JHY: variants seen among roughly 807,000 people sequenced by gnomAD.
JHY encodes junctional cadherin complex regulator, also known as jhy protein homolog.
A neutral mutation model predicts 78.0 loss-of-function variants in JHY; 69 were observed. That is an observed-to-expected ratio of 0.88 (90% CI 0.73 to 1.08). The LOEUF (loss-of-function observed/expected upper bound fraction) is 1.08. Among genes scored for constraint, JHY ranks in the 50% least tolerant of loss-of-function variants. The probability of loss-of-function intolerance (pLI) is 0.00; values close to 1 mark genes in which losing one functional copy is unlikely to be tolerated. For missense variants in JHY, 944 were observed against 927.8 expected (o/e 1.02, Z -0.23); for synonymous variants, 368 against 342.6 (o/e 1.07, Z -0.82).
intron 3 of JHY, among the ~76,000 whole-genome samples, chr11:122,920,748 C>G (rs1281975733): frequency 2.0e-5 from 3 of 152,200 alleles, no homozygotes; most frequent in Non-Finnish European, 4.4e-5. Flanking sequence ...CCGCTCTGCT[C>G]TGCGCCTTAC....
Position 122,924,999 on chromosome 11 carries a change from C to T in JHY, c.967C>T (p.Gln323Ter), listed in dbSNP as rs1216934090. The change falls in exon 4 of 9, where the codon CAA becomes TAA. Residue 323 changes from glutamine (Q) to a stop codon, truncating the protein, a stop_gained. Coordinates refer to ENST00000227349, the MANE Select transcript of JHY (RefSeq NM_024806.4). LOFTEE classifies it high-confidence loss of function. ...DPEDKWHQRA[Q>*]QLKNYQEHWS... ...TGAAGATAAATGGCATCAAAGAGCA[C>T]AACAGCTAAAGGTTACCTGCTAGAT... 8 of 1,612,298 alleles carry T rather than the reference C, an allele frequency of 5.0e-6. No homozygotes were observed. The highest frequency in any genetic ancestry group is 6.8e-6 in the Non-Finnish European group (8 of 1,178,460).
At chr11:122,919,881 A>G (rs1213898003) in intron 3 of JHY, among the ~76,000 whole-genome samples, 1 of 152,224 alleles carries the variant, frequency 6.6e-6, no homozygotes, top group Non-Finnish European at 1.5e-5. Context: ...ATGTATGTGC[A>G]TGCTAAATAC....
At chr11:122,915,611 C>A (rs932187649) in intron 3 of JHY, among the ~76,000 whole-genome samples, 1 of 152,176 alleles carries the variant, frequency 6.6e-6, no homozygotes, top group Non-Finnish European at 1.5e-5. Context: ...CTCCTGGGTT[C>A]AAGCGATTCT....
intron 5 of JHY, among the ~76,000 whole-genome samples, chr11:122,945,522 T>C (rs983195696): frequency 5.9e-5 from 9 of 152,224 alleles, no homozygotes; most frequent in African/African-American, 2.2e-4. Context: ...GTGTGTCTGC[T>C]GACTCTCATA....
In JHY at chr11:122,960,682, G is replaced by T; in HGVS notation, c.*1237G>T. The T allele has an allele frequency of 2.6e-6, 1 of 379,654 alleles. No individual in the cohort carries two copies. The highest frequency in any genetic ancestry group is 5.3e-6 in the Non-Finnish European group (1 of 187,908). 23.5% of individuals were successfully genotyped at this position (379,654 alleles called of 1,614,324 possible). ...CTTGTCTATGTAATTTAAAAATATG[G>T]TGCCTCTATTGGAGAATCTGCTTAT... On this transcript the variant is annotated 3_prime_UTR_variant, in exon 9 of 9. Coordinates refer to ENST00000227349, the MANE Select transcript of JHY (RefSeq NM_024806.4).
At chr11:122,894,045 G>A (rs920777208) in intron 2 of JHY, among the ~76,000 whole-genome samples, 4 of 152,138 alleles carry the variant, frequency 2.6e-5, no homozygotes, top group Admixed American at 2.6e-4. Context: ...ACTTGGCCAG[G>A]CGTGGTGGCT....
chr11:122,892,155 T>TC (rs1862630833), intron 2 of JHY, among the ~76,000 whole-genome samples: 1 of 152,056 alleles, frequency 6.6e-6, no homozygotes, highest in Non-Finnish European at 1.5e-5. Flanking sequence ...GTGCTTTCCT[T>TC]TCTGATCACT....
chr11:122,920,674 C>A (rs1807543328), intron 3 of JHY, among the ~76,000 whole-genome samples: 1 of 152,178 alleles, frequency 6.6e-6, no homozygotes, highest in Non-Finnish European at 1.5e-5. Flanking sequence ...TACCTACAAA[C>A]CCTCACTTCA....
chr11:122,888,942 G>A (rs1025480529), intron 2 of JHY, among the ~76,000 whole-genome samples: 4 of 152,020 alleles, frequency 2.6e-5, no homozygotes, highest in Non-Finnish European at 4.4e-5. Flanking sequence ...TCCAGTTTTC[G>A]TTATTTCAGA....
At chr11:122,958,730 C>T (rs56217189) in intron 8 of JHY, 124,278 of 981,974 alleles carry the variant, frequency 0.13, 8,059 homozygotes, top group East Asian at 0.2. Context: ...CCTTTTTCAG[C>T]GTCTAGATTG....
chr11:122,938,624 TCTC>T, intron 5 of JHY, among the ~76,000 whole-genome samples: 1 of 152,192 alleles, frequency 6.6e-6, no homozygotes, highest in East Asian at 1.9e-4. Flanking sequence ...TTGTTTCTCT[TCTC>T]CTATTTTGCT....
chr11:122,904,246 G>A lies in JHY; in HGVS notation c.666G>A (p.Ser222=), dbSNP rs140876103. The A allele has an allele frequency of 1.3e-4, 205 of 1,614,146 alleles. No individual in the cohort carries two copies. Among genetic ancestry groups the A allele is most frequent in the Non-Finnish European group, 1.5e-4 (179 of 1,180,024 alleles). The change falls in exon 3 of 9, where the codon TCG becomes TCA. Residue 222 remains serine, a synonymous_variant. Coordinates refer to ENST00000227349, the MANE Select transcript of JHY (RefSeq NM_024806.4). The part of the protein sequence containing the change: ...ELSDSDLEEK[S]SSLSPYVKSS... ...GCGACAGTGACCTGGAGGAGAAGTC[G>A]AGCAGCCTTTCTCCGTACGTGAAGA... is the stretch of plus-strand genomic sequence containing the variant.
intron 2 of JHY, among the ~76,000 whole-genome samples, chr11:122,888,163 G>C (rs150014622): frequency 6.6e-6 from 1 of 152,292 alleles, no homozygotes; most frequent in Non-Finnish European, 1.5e-5. Flanking sequence ...GGCGCAAGAG[G>C]CTTGCAGGAC....
intron 5 of JHY, among the ~76,000 whole-genome samples, chr11:122,942,573 G>A (rs1456141837): frequency 6.6e-6 from 1 of 151,970 alleles, no homozygotes; most frequent in Non-Finnish European, 1.5e-5. Context: ...ACAGGCATAC[G>A]CCACCATGCC....
chr11:122,903,093 C>A (rs1469562325), intron 2 of JHY, among the ~76,000 whole-genome samples: 1 of 152,164 alleles, frequency 6.6e-6, no homozygotes, highest in African/African-American at 2.4e-5. Context: ...AGGGCTACAG[C>A]GTCACTAGGT....
chr11:122,942,328 GGTTTT>G (rs936164273), intron 5 of JHY, among the ~76,000 whole-genome samples: 2 of 151,948 alleles, frequency 1.3e-5, no homozygotes, highest in African/African-American at 4.8e-5. Flanking sequence ...TCTATGTTTT[GGTTTT>G]GTTTTCTCTT....
chr11:122,951,149 C>T (rs1156599938), intron 6 of JHY, among the ~76,000 whole-genome samples: 1 of 152,174 alleles, frequency 6.6e-6, no homozygotes, highest in African/African-American at 2.4e-5. Context: ...CCCTGAATCA[C>T]ATTAAAACTT....
In JHY at chr11:122,962,666, A is replaced by T. The variant is rs554006340; in HGVS notation, c.*3221A>T. ...GAACTTAATTTGGAAGAGAAAAAGA[A>T]TGCATATAGAGACATTCATATTTAA... On this transcript the variant is annotated 3_prime_UTR_variant, in exon 9 of 9. Transcript: ENST00000227349. Among the ~76,000 whole-genome samples the T allele has an allele frequency of 3.3e-4, 51 of 152,362 alleles. No homozygotes were observed. Among genetic ancestry groups the T allele is most frequent in the African/African-American group, 1.2e-3 (50 of 41,592 alleles).
intron 4 of JHY, among the ~76,000 whole-genome samples, chr11:122,927,358 G>C (rs1026238005): frequency 6.6e-6 from 1 of 152,258 alleles, no homozygotes; most frequent in East Asian, 1.9e-4. Context: ...AGAAATTGTG[G>C]AGCAAAACAT....
Sources: gnomAD v4.1 joint callset for allele counts (sites outside exome capture counted in the v4.1 genomes callset) on GRCh38, gnomAD v4.1.1 for gene constraint, MANE v1.5 for transcripts, NCBI Gene and HGNC (gene_info 2026-07-23, HGNC 2026-07-21) for gene names.